Variants in DOCK3 observed in about 807,000 individuals in gnomAD.
The protein encoded by DOCK3 is dedicator of cytokinesis protein 3.
Under a neutral mutation model 265.6 loss-of-function variants are expected in DOCK3, and 60 were observed. The observed-to-expected ratio is 0.23, with a 90% CI of 0.18 to 0.28. DOCK3 has a LOEUF of 0.28. Among genes scored for constraint, DOCK3 ranks in the 10% least tolerant of loss-of-function variants. The probability of loss-of-function intolerance (pLI) is 1.00; values close to 1 mark genes in which losing one functional copy is unlikely to be tolerated. For missense variants in DOCK3, 1,981 were observed against 2,594.3 expected (o/e 0.76, Z 5.14); for synonymous variants, 881 against 938.0 (o/e 0.94, Z 1.11).
At chr3:50,823,626 G>T (rs1321137575) in intron 2 of DOCK3, among the ~76,000 whole-genome samples, 1 of 152,138 alleles carries the variant, frequency 6.6e-6, no homozygotes, top group Non-Finnish European at 1.5e-5. Flanking sequence ...TTCCCCCCTT[G>T]CTATTCCACA....
Position 51,361,456 on chromosome 3 carries a change from GCAGATCC to G in DOCK3, c.5007-400_5007-394del, listed in dbSNP as rs1680112375. ...CTAGGAAGAAGCCTCTGACCAAGAA[GCAGATCC>G]CATCATGGTGTGGGGGGGTTGGGGG... is the stretch of plus-strand genomic sequence containing the variant. On this transcript the variant is annotated intron_variant, in intron 47 of 52. Coordinates refer to ENST00000266037, the MANE Select transcript of DOCK3 (RefSeq NM_004947.5). The surrounding 1 kb of genome is among the most constrained non-coding windows in gnomAD (Gnocchi z 4.2). Among the ~76,000 whole-genome samples, 2 of 151,010 alleles carry G rather than the reference GCAGATCC, an allele frequency of 1.3e-5. No individual in the cohort carries two copies. Among genetic ancestry groups the G allele is most frequent in the Non-Finnish European group, 3.0e-5 (2 of 67,718 alleles).
intron 6 of DOCK3, 118 bp downstream of exon 6, chr3:51,064,714 C>T: frequency 1.5e-6 from 2 of 1,291,006 alleles, no homozygotes; most frequent in South Asian, 3.2e-5. Flanking sequence ...TTATATTCTT[C>T]ACTAAGCTTT....
intron 5 of DOCK3, among the ~76,000 whole-genome samples, chr3:51,031,487 A>G (rs570359301): frequency 8.5e-5 from 13 of 152,328 alleles, no homozygotes; most frequent in South Asian, 2.1e-4. Context: ...TATTTTCATC[A>G]GTACTTTGTC....
chr3:50,825,748 A>G (rs541297381), intron 2 of DOCK3, among the ~76,000 whole-genome samples: 5 of 152,168 alleles, frequency 3.3e-5, no homozygotes, highest in Non-Finnish European at 7.3e-5. Context: ...TGGGCAATCC[A>G]TGACAAGGGG....
At chr3:51,190,140 C>T (rs891721080) in intron 12 of DOCK3, among the ~76,000 whole-genome samples, 16 of 152,230 alleles carry the variant, frequency 1.1e-4, no homozygotes, top group Non-Finnish European at 1.9e-4. Context: ...TCAAGGCCTG[C>T]CATCTGGATT....
At chr3:51,251,118 T>C (rs1482025761) in intron 22 of DOCK3, among the ~76,000 whole-genome samples, 1 of 152,166 alleles carries the variant, frequency 6.6e-6, no homozygotes, top group Non-Finnish European at 1.5e-5. Flanking sequence ...GAACATGTGG[T>C]GTTTGGTTTT....
intron 49 of DOCK3, among the ~76,000 whole-genome samples, chr3:51,373,182 A>C (rs1362749408): frequency 1.3e-5 from 2 of 152,216 alleles, no homozygotes; most frequent in Non-Finnish European, 2.9e-5. Context: ...TGGCTGAAGA[A>C]GACGTATTTT....
chr3:50,753,246 T>A (rs547180428), intron 1 of DOCK3, among the ~76,000 whole-genome samples: 1 of 152,374 alleles, frequency 6.6e-6, no homozygotes, highest in South Asian at 2.1e-4. Flanking sequence ...TCTTCATCTG[T>A]CAGTGCTGAT....
chr3:51,079,327 T>A (rs1216644384), intron 7 of DOCK3, among the ~76,000 whole-genome samples: 1 of 152,026 alleles, frequency 6.6e-6, no homozygotes, highest in Non-Finnish European at 1.5e-5. Context: ...TTTATTTGTT[T>A]GTTTTATTTT....
Position 51,225,656 on chromosome 3 carries a change from C to G in DOCK3, c.1260C>G (p.Ile420Met). ...GFPDVIMPGD[I>M]RNDLYLTLEK... ...GCATTTCTTTCCCCGCAGGTGATATCCGCAATGACCTGTACCTAACCCTGG... is the reference window on the plus strand; with the variant it reads ...GCATTTCTTTCCCCGCAGGTGATATGCGCAATGACCTGTACCTAACCCTGG... The change falls in exon 15 of 53, where the codon ATC becomes ATG. Residue 420 changes from isoleucine to methionine, a missense_variant. Transcript: ENST00000266037. The G allele has an allele frequency of 6.2e-7, 1 of 1,610,278 alleles. No homozygotes were observed. The highest frequency in any genetic ancestry group is 8.5e-7 in the Non-Finnish European group (1 of 1,178,452).
At chr3:50,705,402 G>A (rs1358299952) in intron 1 of DOCK3, among the ~76,000 whole-genome samples, 2 of 151,892 alleles carry the variant, frequency 1.3e-5, no homozygotes, top group Non-Finnish European at 2.9e-5. Context: ...TATGAGATCT[G>A]CTGGTTTTTT....
intron 2 of DOCK3, among the ~76,000 whole-genome samples, chr3:50,799,749 A>G (rs886400176): frequency 1.3e-5 from 2 of 152,150 alleles, no homozygotes; most frequent in Non-Finnish European, 2.9e-5. Flanking sequence ...GCTATGTTGA[A>G]TAAGAGTGGA....
intron 1 of DOCK3, among the ~76,000 whole-genome samples, chr3:50,747,824 A>C (rs1450986908): frequency 6.6e-6 from 1 of 150,540 alleles, no homozygotes; most frequent in East Asian, 2.0e-4. Context: ...AGATTGCGCC[A>C]CTGCACTCCC....
intron 14 of DOCK3, among the ~76,000 whole-genome samples, chr3:51,214,454 T>C (rs2089674049): frequency 6.6e-6 from 1 of 152,190 alleles, no homozygotes; most frequent in African/African-American, 2.4e-5. Flanking sequence ...AGCCCCTACA[T>C]TACATTCACC....
At chr3:50,712,243 G>GT (rs1213807412) in intron 1 of DOCK3, among the ~76,000 whole-genome samples, 3 of 152,058 alleles carry the variant, frequency 2.0e-5, no homozygotes, top group Non-Finnish European at 4.4e-5. Flanking sequence ...TATGGTGAAT[G>GT]TTTAAGTTAT....
chr3:50,920,345 C>G lies in DOCK3; in HGVS notation c.219-13636C>G, dbSNP rs2050372458. Among the ~76,000 whole-genome samples the G allele has an allele frequency of 1.3e-5, 2 of 152,138 alleles. 1 individual carries two copies. The highest frequency in any genetic ancestry group is 4.1e-4 in the South Asian group (2 of 4,828). On this transcript the variant is annotated intron_variant, in intron 4 of 52. Transcript: ENST00000266037. ...ATGGTACCAGCTCCTCTTTGTACCC[C>G]TGGTCGAATTTTGCTGTGAATCCGT... is the stretch of plus-strand genomic sequence containing the variant.
At chr3:51,298,592 A>G (rs2082223166) in intron 27 of DOCK3, among the ~76,000 whole-genome samples, 1 of 151,732 alleles carries the variant, frequency 6.6e-6, no homozygotes, top group Admixed American at 6.6e-5. Context: ...GCCCCAGTCT[A>G]TGTTGTTTTC....
intron 4 of DOCK3, chr3:50,900,960 C>T (rs2049158920): frequency 2.4e-6 from 1 of 422,666 alleles, no homozygotes; most frequent in African/African-American, 2.1e-5. Context: ...GGTCAGGGAC[C>T]CACCTGAGGA....
intron 21 of DOCK3, among the ~76,000 whole-genome samples, chr3:51,242,192 G>C (rs1560269761): frequency 6.6e-6 from 1 of 152,086 alleles, no homozygotes; most frequent in Non-Finnish European, 1.5e-5. Context: ...AGGGGACAGT[G>C]CTCAGCTCTC....
Sources: gnomAD v4.1 joint callset for allele counts (sites outside exome capture counted in the v4.1 genomes callset) on GRCh38, gnomAD v4.1.1 for gene constraint, Gnocchi (gnomAD v3.1) non-coding constraint, MANE v1.5 for transcripts, NCBI Gene and HGNC (gene_info 2026-07-23, HGNC 2026-07-21) for gene names.